The following RAB31 variants were observed in gnomAD, a reference collection of about 807,000 sequenced individuals.
The protein encoded by RAB31 is RAB31, member RAS oncogene family.
Under a neutral mutation model 25.6 loss-of-function variants are expected in RAB31, and 21 were observed. The observed-to-expected ratio is 0.82, with a 90% CI of 0.58 to 1.18. RAB31 has a LOEUF of 1.18. Among genes scored for constraint, RAB31 ranks in the 50% most tolerant of loss-of-function variants. RAB31 has a pLI of 0.00. For synonymous variants in RAB31, 87 were observed against 84.0 expected, an observed-to-expected ratio of 1.04 and a Z score of -0.20; for missense variants, 196 against 250.1, an observed-to-expected ratio of 0.78 and a Z score of 1.46.
At chr18:9,759,915 C>A (rs2068279317) in intron 1 of RAB31, among the ~76,000 whole-genome samples, 1 of 151,900 alleles carries the variant, frequency 6.6e-6, no homozygotes, top group African/African-American at 2.4e-5. Context: ...TCAGAGGGGA[C>A]AACATGGTGA....
At position 9,860,827 on chromosome 18, in the gene RAB31, C is replaced by T. The variant is rs908286312; in HGVS notation, c.*1502C>T. Reference sequence around the variant, plus strand: ...GGTTGTGAGCTGATTGGATTAAAGACCTGGCACTTCAGTAACTCAGCACGC... The same window carrying T: ...GGTTGTGAGCTGATTGGATTAAAGATCTGGCACTTCAGTAACTCAGCACGC... On this transcript the variant is annotated 3_prime_UTR_variant, in exon 7 of 7. Transcript: ENST00000578921. The T allele has an allele frequency of 5.3e-5, 8 of 152,116 alleles. No homozygotes were observed. Among genetic ancestry groups the T allele is most frequent in the Admixed American group, 5.2e-4 (8 of 15,276 alleles). The allele number at this position is 152,116 out of a possible 1,614,324, so 9.4% of individuals were successfully genotyped here.
At chr18:9,769,238 A>C (rs1047761160) in intron 1 of RAB31, among the ~76,000 whole-genome samples, 1 of 152,150 alleles carries the variant, frequency 6.6e-6, no homozygotes, top group African/African-American at 2.4e-5. Context: ...GAAGAAAGTC[A>C]TTGGTAGCTT....
chr18:9,753,266 G>A (rs2068244412), intron 1 of RAB31, among the ~76,000 whole-genome samples: 1 of 152,184 alleles, frequency 6.6e-6, no homozygotes, highest in Admixed American at 6.5e-5. Flanking sequence ...GGAGGTAATT[G>A]GGTCATGAGG....
chr18:9,803,804 C>CT (rs2068525833), intron 3 of RAB31, among the ~76,000 whole-genome samples: 1 of 152,228 alleles, frequency 6.6e-6, no homozygotes, highest in African/African-American at 2.4e-5. Context: ...CTGACGGCAG[C>CT]TGTGCAGGTG....
intron 5 of RAB31, among the ~76,000 whole-genome samples, chr18:9,817,462 G>T (rs1326193580): frequency 6.6e-6 from 1 of 152,152 alleles, no homozygotes; most frequent in Non-Finnish European, 1.5e-5. Flanking sequence ...ATGTTCCAGA[G>T]TTAGTCTCTG....
At chr18:9,745,999 A>G (rs190792268) in intron 1 of RAB31, among the ~76,000 whole-genome samples, 4 of 152,368 alleles carry the variant, frequency 2.6e-5, no homozygotes, top group Admixed American at 2.6e-4. Context: ...TGCAGGTGAT[A>G]TGGTCCTAGA....
chr18:9,811,196 G>A (rs2068568749), intron 3 of RAB31, among the ~76,000 whole-genome samples: 1 of 152,184 alleles, frequency 6.6e-6, no homozygotes, highest in South Asian at 2.1e-4. Context: ...GCACAGTTCA[G>A]CTGTGAACTC....
intron 5 of RAB31, among the ~76,000 whole-genome samples, chr18:9,830,825 C>T (rs1174464162): frequency 6.6e-6 from 1 of 152,180 alleles, no homozygotes. Flanking sequence ...CTTTCATAAG[C>T]TTTACAGTTT....
intron 1 of RAB31, among the ~76,000 whole-genome samples, chr18:9,748,416 G>A (rs958643103): frequency 6.6e-6 from 1 of 152,078 alleles, no homozygotes; most frequent in African/African-American, 2.4e-5. Flanking sequence ...TGAGGTGGGA[G>A]GATCGCTTGA....
In RAB31 at chr18:9,845,570, C is replaced by T. The variant is rs1410822411; in HGVS notation, c.381-12C>T. 1.3e-6 allele frequency: 2 copies of T among 1,526,488 alleles called. No individual in the cohort carries two copies. The highest frequency in any genetic ancestry group is 2.8e-5 in the African/African-American group (2 of 71,974). 94.6% of individuals were successfully genotyped at this position (1,526,488 alleles called of 1,614,324 possible). On this transcript the variant is annotated splice_polypyrimidine_tract_variant and intron_variant, in intron 5 of 6. Transcript: ENST00000578921. The stretch of plus-strand genomic sequence containing the variant: ...ACATTCATTTCCTGTCTACATTTGA[C>T]CTCTTTTCCAGGGAGGTTCCCCTGA...
At chr18:9,785,772 C>CTG (rs2068428724) in intron 2 of RAB31, among the ~76,000 whole-genome samples, 2 of 152,274 alleles carry the variant, frequency 1.3e-5, no homozygotes, top group Admixed American at 1.3e-4. Context: ...TTAAGAATGC[C>CTG]TGTGTAGGTC....
chr18:9,723,425 G>C (rs1424540695), intron 1 of RAB31: 4 of 152,036 alleles, frequency 2.6e-5, no homozygotes, highest in South Asian at 2.1e-4. Context: ...ATTTGTTAGG[G>C]AATTGTTAGT....
chr18:9,725,032 C>T (rs2068090803), intron 1 of RAB31, among the ~76,000 whole-genome samples: 1 of 152,172 alleles, frequency 6.6e-6, no homozygotes. Flanking sequence ...CAACTCTCTC[C>T]AAGTGGCCCC....
chr18:9,845,375 A>G (rs180690675), intron 5 of RAB31, among the ~76,000 whole-genome samples: 99 of 152,310 alleles, frequency 6.5e-4, no homozygotes, highest in African/African-American at 2.3e-3. Context: ...TTATATATGC[A>G]TATCTTCTCT....
At chr18:9,771,118 C>CT (rs747935027) in intron 1 of RAB31, among the ~76,000 whole-genome samples, 2 of 152,082 alleles carry the variant, frequency 1.3e-5, no homozygotes, top group Non-Finnish European at 2.9e-5. Context: ...CTGCAGTGAG[C>CT]TATGATTGCA....
At chr18:9,838,515 T>A (rs1288423954) in intron 5 of RAB31, among the ~76,000 whole-genome samples, 1 of 152,212 alleles carries the variant, frequency 6.6e-6, no homozygotes, top group Non-Finnish European at 1.5e-5. Context: ...CCTTCTGGTG[T>A]ACCTGTCTTC....
intron 1 of RAB31, among the ~76,000 whole-genome samples, chr18:9,758,808 A>G (rs1200522908): frequency 6.6e-6 from 1 of 151,792 alleles, no homozygotes; most frequent in Non-Finnish European, 1.5e-5. Context: ...CCCCCTGTCT[A>G]TCTCCCCATG....
At chr18:9,758,785 A>G (rs936620832) in intron 1 of RAB31, among the ~76,000 whole-genome samples, 16 of 151,972 alleles carry the variant, frequency 1.1e-4, no homozygotes, top group African/African-American at 3.1e-4. Flanking sequence ...GTGTGGCATG[A>G]CCTTTCATCC....
chr18:9,805,970 C>T (rs184588403), intron 3 of RAB31, among the ~76,000 whole-genome samples: 8 of 152,002 alleles, frequency 5.3e-5, no homozygotes, highest in African/African-American at 1.7e-4. Flanking sequence ...GTCAGGAGAT[C>T]GGGACCATCC....
Sources: allele counts gnomAD v4.1 joint callset (sites outside exome capture counted in the v4.1 genomes callset), GRCh38; gene constraint gnomAD v4.1.1; transcripts MANE v1.5; gene names NCBI Gene and HGNC (gene_info 2026-07-23, HGNC 2026-07-21).